SEMA3A: variants seen among roughly 807,000 people sequenced by gnomAD.
The protein encoded by SEMA3A is semaphorin 3A, also known as semaphorin-3A.
SEMA3A carries 29 observed loss-of-function variants against 97.9 expected under a neutral mutation model. That is an observed-to-expected ratio of 0.30 (90% confidence interval 0.22 to 0.40). The LOEUF (loss-of-function observed/expected upper bound fraction) is 0.40, where lower values mean the gene tolerates loss of function less well. Ranked by LOEUF, SEMA3A falls within the 10% of genes least tolerant of loss-of-function variation. The pLI, the probability that SEMA3A is intolerant of heterozygous loss-of-function variation, is 1.00. For missense variants in SEMA3A, 763 were observed against 951.3 expected (o/e 0.80, Z 2.60); for synonymous variants, 321 against 323.7 (o/e 0.99, Z 0.09).
chr7:84,380,293 T>C lies in SEMA3A; in HGVS notation c.-245-8393A>G, dbSNP rs11560407. Among the ~76,000 whole-genome samples the C allele has an allele frequency of 0.014, 2,076 of 152,284 alleles. 80 individuals are homozygous for C. The East Asian group carries it at 0.16, about 11-fold the overall frequency. Reference sequence around the variant, plus strand: ...AAAATGTACATTGTCCCAGGTGTACTGGAAAACTCAAAAGAAGGATAAACA... The same window carrying C: ...AAAATGTACATTGTCCCAGGTGTACCGGAAAACTCAAAAGAAGGATAAACA... On this transcript the variant is annotated intron_variant, in intron 1 of 3. Coordinates refer to the SEMA3A transcript ENST00000424555.
At chr7:83,996,483 A>G (rs1354316882) in intron 12 of SEMA3A, among the ~76,000 whole-genome samples, 1 of 151,920 alleles carries the variant, frequency 6.6e-6, no homozygotes, top group Admixed American at 6.6e-5. Context: ...TTGTATTGTT[A>G]GTAGAGACGG....
At chr7:84,197,946 C>T (rs906111246), upstream of SEMA3A, among the ~76,000 whole-genome samples, 4 of 151,680 alleles carry the variant, frequency 2.6e-5, no homozygotes, top group Admixed American at 2.0e-4. Flanking sequence ...CACCGTGTTG[C>T]CCAGGCTGTT....
chr7:84,375,777 A>G (rs1223939124), intron 1 of SEMA3A, among the ~76,000 whole-genome samples: 2 of 152,140 alleles, frequency 1.3e-5, no homozygotes, highest in Non-Finnish European at 2.9e-5. Context: ...ACTACTGAAC[A>G]CTAGAAATTA....
chr7:83,990,641 C>G (rs59837826), intron 12 of SEMA3A, among the ~76,000 whole-genome samples: 10 of 145,832 alleles, frequency 6.9e-5, no homozygotes, highest in African/African-American at 2.3e-4. Context: ...ATATGTGGCT[C>G]TATTTCTGAG....
At chr7:84,038,345 T>C (rs1792016626) in intron 6 of SEMA3A, among the ~76,000 whole-genome samples, 1 of 152,200 alleles carries the variant, frequency 6.6e-6, no homozygotes, top group African/African-American at 2.4e-5. Flanking sequence ...CAACTCAGTA[T>C]ATTTATGTAT....
intron 2 of SEMA3A, among the ~76,000 whole-genome samples, chr7:84,338,792 C>G (rs1802094727): frequency 1.3e-5 from 2 of 152,000 alleles, no homozygotes; most frequent in African/African-American, 4.8e-5. Flanking sequence ...AATAAAAGAC[C>G]AATTTGCCAA....
At chr7:84,292,260 C>T (rs544367107) in intron 3 of SEMA3A, among the ~76,000 whole-genome samples, 1 of 152,150 alleles carries the variant, frequency 6.6e-6, no homozygotes, top group East Asian at 1.9e-4. Context: ...ATGTTAAATG[C>T]TGCCTAATTG....
intron 3 of SEMA3A, among the ~76,000 whole-genome samples, chr7:84,111,245 G>A (rs1020247408): frequency 2.6e-5 from 4 of 152,098 alleles, no homozygotes. Context: ...TAAGGATCAA[G>A]CGTGGACAAC....
intron 1 of SEMA3A, among the ~76,000 whole-genome samples, chr7:84,151,340 G>GA (rs907017546): frequency 6.6e-6 from 1 of 150,980 alleles, no homozygotes; most frequent in Non-Finnish European, 1.5e-5. Context: ...TGAAAACTTT[G>GA]AAAAAAATTT....
rs569547900 is a variant in SEMA3A at position 84,275,830 on chromosome 7, T to G, written c.-83+31377A>C. On this transcript the variant is annotated intron_variant, in intron 3 of 3. Transcript: ENST00000424555. ...GGAATGTAAAATATTTCATTAATAA[T>G]TGTAATTTTTGATTACATGTTGAAA... Among the ~76,000 whole-genome samples, 16 of 152,288 alleles carry G rather than the reference T, an allele frequency of 1.1e-4. 1 individual carries two copies. The South Asian group carries it at 2.9e-3, about 28-fold the overall frequency.
intron 2 of SEMA3A, among the ~76,000 whole-genome samples, chr7:84,366,985 TA>T (rs1360560599): frequency 0.036 from 5,082 of 142,388 alleles, 273 homozygotes; most frequent in African/African-American, 0.12. Context: ...CCTTTAATCT[TA>T]AAAAAAAAAA....
intron 1 of SEMA3A, among the ~76,000 whole-genome samples, chr7:84,166,883 A>C (rs1797228669): frequency 3.3e-3 from 2 of 598 alleles, no homozygotes; most frequent in Admixed American, 0.025. Flanking sequence ...CTCTGTCTCA[A>C]AAAAAAAAAA....
intron 1 of SEMA3A, among the ~76,000 whole-genome samples, chr7:84,411,612 G>GA (rs921331898): frequency 3.3e-5 from 5 of 151,226 alleles, no homozygotes; most frequent in African/African-American, 1.2e-4. Flanking sequence ...AAAAATAACT[G>GA]AAAAAATGCA....
intron 3 of SEMA3A, among the ~76,000 whole-genome samples, chr7:84,281,818 A>G (rs1199076064): frequency 6.6e-6 from 1 of 152,174 alleles, no homozygotes; most frequent in African/African-American, 2.4e-5. Context: ...AAAATATTTT[A>G]AAAGAGAAAC....
At position 84,384,217 on chromosome 7, in the gene SEMA3A, G is replaced by A. The variant is rs151195383; in HGVS notation, c.-245-12317C>T. ...TTAAAAATAATAATCATCTGTAGTT[G>A]TCATATTATTTTGATTTTGTTAAAT... On this transcript the variant is annotated intron_variant, in intron 1 of 3. Coordinates refer to the SEMA3A transcript ENST00000424555. Among the ~76,000 whole-genome samples, 557 of 152,096 alleles carry A rather than the reference G, an allele frequency of 3.7e-3. 2 individuals carry two copies. Among genetic ancestry groups the A allele is most frequent in the African/African-American group, 0.013 (535 of 41,526 alleles).
intron 1 of SEMA3A, among the ~76,000 whole-genome samples, chr7:84,405,188 G>A (rs571355962): frequency 6.6e-6 from 1 of 152,084 alleles, no homozygotes; most frequent in Admixed American, 6.5e-5. Flanking sequence ...CAAAAAAAAG[G>A]GATGGAGGAA....
intron 2 of SEMA3A, among the ~76,000 whole-genome samples, chr7:84,348,070 A>G (rs1314067484): frequency 6.6e-6 from 1 of 152,106 alleles, no homozygotes; most frequent in African/African-American, 2.4e-5. Flanking sequence ...GGGACTCTGC[A>G]TTTTCTGCTC....
chr7:84,348,277 T>A (rs2116013665), intron 2 of SEMA3A, among the ~76,000 whole-genome samples: 1 of 152,300 alleles, frequency 6.6e-6, no homozygotes, highest in East Asian at 1.9e-4. Context: ...TAAGTAGAAA[T>A]AATATATATG....
chr7:84,105,915 T>G (rs748733710), intron 4 of SEMA3A, among the ~76,000 whole-genome samples: 1 of 152,186 alleles, frequency 6.6e-6, no homozygotes, highest in Non-Finnish European at 1.5e-5. Context: ...ATGTGTATGA[T>G]GTATGTGACC....
Sources: gnomAD v4.1 joint callset for allele counts (sites outside exome capture counted in the v4.1 genomes callset) on GRCh38, gnomAD v4.1.1 for gene constraint, MANE v1.5 for transcripts, NCBI Gene and HGNC (gene_info 2026-07-23, HGNC 2026-07-21) for gene names.